Variants in ATF7 observed in about 807,000 individuals in gnomAD.
ATF7 encodes the protein cyclic AMP-dependent transcription factor ATF-7.
Under a neutral mutation model 50.4 loss-of-function variants are expected in ATF7, and 10 were observed. The observed-to-expected ratio is 0.20, with a 90% CI of 0.12 to 0.34. The LOEUF (loss-of-function observed/expected upper bound fraction) is 0.34, where lower values mean the gene tolerates loss of function less well. Among genes scored for constraint, ATF7 ranks in the 10% least tolerant of loss-of-function variants. The pLI is 1.00. For synonymous variants in ATF7, 201 were observed against 226.4 expected (o/e 0.89, Z 1.01); for missense variants, 465 against 613.9 (o/e 0.76, Z 2.56).
At chr12:53,551,119 A>ATATG (rs1393095221) in intron 3 of ATF7, among the ~76,000 whole-genome samples, 1 of 152,182 alleles carries the variant, frequency 6.6e-6, no homozygotes, top group African/African-American at 2.4e-5. Flanking sequence ...TGTCTGACCT[A>ATATG]TATGTATACC....
intron 2 of ATF7, among the ~76,000 whole-genome samples, chr12:53,587,843 A>ATATATATATTTTTTTTTTTTT: frequency 1.6e-5 from 1 of 61,566 alleles, no homozygotes; most frequent in African/African-American, 5.1e-5. Context: ...ATATATATAT[A>ATATATATATTTTTTTTTTTTT]TTTTTTTTTT....
chr12:53,620,205 G>A (rs1265631579), intron 1 of ATF7, among the ~76,000 whole-genome samples: 1 of 152,014 alleles, frequency 6.6e-6, no homozygotes, highest in Non-Finnish European at 1.5e-5. Context: ...TTGGGAGGCC[G>A]AGGTAGGTGG....
At chr12:53,529,557 C>T (rs1362152985) in intron 9 of ATF7, among the ~76,000 whole-genome samples, 1 of 150,682 alleles carries the variant, frequency 6.6e-6, no homozygotes, top group African/African-American at 2.4e-5. Flanking sequence ...AGGCTGGTCT[C>T]GAACTCTTGA....
At chr12:53,599,785 AC>A (rs1299798500) in intron 2 of ATF7, among the ~76,000 whole-genome samples, 16 of 152,362 alleles carry the variant, frequency 1.1e-4, no homozygotes, top group Middle Eastern at 3.4e-3. Context: ...GTGTCAGTGG[AC>A]AGTCACATGA....
intron 2 of ATF7, among the ~76,000 whole-genome samples, chr12:53,553,231 T>C (rs751600403): frequency 2.0e-5 from 3 of 152,140 alleles, no homozygotes; most frequent in Admixed American, 6.6e-5. Context: ...CAAGGCGCAA[T>C]GGCCAGCAAT....
At chr12:53,521,556 C>T (rs2137326943) in intron 11 of ATF7, among the ~76,000 whole-genome samples, 1 of 152,332 alleles carries the variant, frequency 6.6e-6, no homozygotes, top group Middle Eastern at 3.4e-3. Flanking sequence ...ATATAGCTCC[C>T]TCACTTCCTT....
chr12:53,555,294 CA>C (rs2137525613), intron 2 of ATF7, among the ~76,000 whole-genome samples: 1 of 149,948 alleles, frequency 6.7e-6, no homozygotes, highest in South Asian at 2.1e-4. Context: ...CATTGCACTC[CA>C]GCCTGGGCAA....
chr12:53,623,809 G>A (rs1312262542), intron 1 of ATF7, among the ~76,000 whole-genome samples: 3 of 152,214 alleles, frequency 2.0e-5, no homozygotes, highest in Non-Finnish European at 4.4e-5. Flanking sequence ...TCCAGGCAAA[G>A]AAGTAGTTTA....
intron 2 of ATF7, among the ~76,000 whole-genome samples, chr12:53,567,530 CG>C (rs555308452): frequency 7.7e-4 from 117 of 152,320 alleles, no homozygotes; most frequent in African/African-American, 2.4e-3. Flanking sequence ...TTGGGAACTA[CG>C]CTTAAGAATT....
chr12:53,590,872 G>C (rs1329075032), intron 2 of ATF7, among the ~76,000 whole-genome samples: 1 of 152,164 alleles, frequency 6.6e-6, no homozygotes, highest in African/African-American at 2.4e-5. Flanking sequence ...GTGGTTACCG[G>C]GGGTTCAGAA....
chr12:53,569,003 TAA>T (rs1398584833), intron 2 of ATF7, among the ~76,000 whole-genome samples: 3 of 151,676 alleles, frequency 2.0e-5, no homozygotes, highest in Non-Finnish European at 2.9e-5. Context: ...TTAAAAAATT[TAA>T]AGAGTAGCCA....
chr12:53,548,035 CT>C (rs1940065408), intron 3 of ATF7, among the ~76,000 whole-genome samples: 1 of 121,872 alleles, frequency 8.2e-6, no homozygotes, highest in South Asian at 2.7e-4. Flanking sequence ...CCATGCCTAG[CT>C]ATTTTTTTTG....
chr12:53,602,177 A>G (rs1008640316), intron 1 of ATF7, among the ~76,000 whole-genome samples: 2 of 152,222 alleles, frequency 1.3e-5, no homozygotes, highest in Non-Finnish European at 2.9e-5. Flanking sequence ...ACATCCTTCC[A>G]TGAAAGAGAA....
At chr12:53,585,239 G>T (rs1217008206) in intron 2 of ATF7, among the ~76,000 whole-genome samples, 1 of 152,106 alleles carries the variant, frequency 6.6e-6, no homozygotes, top group African/African-American at 2.4e-5. Flanking sequence ...GCTTCCCAAA[G>T]TGTTGAGATT....
intron 2 of ATF7, among the ~76,000 whole-genome samples, chr12:53,559,187 C>T (rs1441504751): frequency 6.6e-6 from 1 of 150,918 alleles, no homozygotes; most frequent in Non-Finnish European, 1.5e-5. Context: ...AGGAATAAAT[C>T]TCAATGAATA....
rs1943375645 is a variant in ATF7, at chr12:53,600,957, CCACAGCCCGGGG to C, written c.32_43del (p.Ala11_Cys14del). 1 of 1,613,260 alleles carries C rather than the reference CCACAGCCCGGGG, an allele frequency of 6.2e-7. No individual in the cohort carries two copies. The highest frequency in any genetic ancestry group is 8.5e-7 in the Non-Finnish European group (1 of 1,179,594). ...TAAAGTATATTGTAAACGTACCTGT[CCACAGCCCGGGG>C]CATTGCACACAAACGGTCTGTCGTC... On this transcript the variant is annotated inframe_deletion, in exon 2 of 12. Transcript: ENST00000420353.
downstream of ATF7, among the ~76,000 whole-genome samples, chr12:53,509,907 G>A (rs1382599012): frequency 6.6e-6 from 1 of 152,170 alleles, no homozygotes; most frequent in Admixed American, 6.5e-5. Context: ...GAGCAGGTTT[G>A]GATCTGGATG....
chr12:53,587,404 C>T (rs1942742063), intron 2 of ATF7, among the ~76,000 whole-genome samples: 2 of 120,268 alleles, frequency 1.7e-5, no homozygotes, highest in South Asian at 3.0e-4. Flanking sequence ...GTGACGCACG[C>T]CTGTAATCCC....
intron 1 of ATF7, among the ~76,000 whole-genome samples, chr12:53,613,661 C>T (rs1943991419): frequency 1.3e-5 from 2 of 151,920 alleles, no homozygotes. Context: ...GCTGGGACTA[C>T]AGGAGTGCAC....
Sources: gnomAD v4.1 joint callset for allele counts (sites outside exome capture counted in the v4.1 genomes callset) on GRCh38, gnomAD v4.1.1 for gene constraint, MANE v1.5 for transcripts, NCBI Gene and HGNC (gene_info 2026-07-23, HGNC 2026-07-21) for gene names.